The following NEXMIF variants were observed in gnomAD, a reference collection of about 807,000 sequenced individuals.
The protein encoded by NEXMIF is neurite extension and migration factor.
In NEXMIF, 8 loss-of-function variants were observed where a neutral mutation model predicts 62.1. The ratio of observed to expected loss-of-function variants is 0.13; its 90% CI spans 0.08 to 0.23. NEXMIF has a LOEUF of 0.23. Among genes scored for constraint, NEXMIF ranks in the 10% least tolerant of loss-of-function variants. The pLI is 1.00. For synonymous variants in NEXMIF, 404 were observed against 416.6 expected, an observed-to-expected ratio of 0.97 and a Z score of 0.37; for missense variants, 976 against 1,113.3, an observed-to-expected ratio of 0.88 and a Z score of 1.75.
intron 1 of NEXMIF, among the ~76,000 whole-genome samples, chrX:74,901,348 C>T (rs1047147318): frequency 2.7e-5 from 3 of 111,551 alleles, no homozygotes; most frequent in African/African-American, 9.8e-5. Context: ...AGGTAGAAAA[C>T]AATTGCAGCT....
intron 1 of NEXMIF, among the ~76,000 whole-genome samples, chrX:74,781,346 C>G (rs1008357770): frequency 1.3e-4 from 15 of 112,267 alleles, no homozygotes; most frequent in South Asian, 3.7e-4. Flanking sequence ...GTATTTTTGT[C>G]TATTGCCAAA....
chrX:74,877,723 C>T (rs1459985244), intron 1 of NEXMIF, among the ~76,000 whole-genome samples: 5 of 111,500 alleles, frequency 4.5e-5, no homozygotes, highest in Admixed American at 9.5e-5. Context: ...CTTCCCTTCT[C>T]GCTTCATTTC....
rs772974739 is a variant in NEXMIF at position 74,884,263 on chromosome X, T to G, written c.-48+40620A>C. On this transcript the variant is annotated intron_variant, in intron 1 of 3. Transcript: ENST00000055682. ...TAATGAGCAAAATAACCAGCTAACATCATAGTGACAGGATCAAATTCATAC... is the reference window on the plus strand; with the variant it reads ...TAATGAGCAAAATAACCAGCTAACAGCATAGTGACAGGATCAAATTCATAC... 2.7e-4 allele frequency among the ~76,000 whole-genome samples: 30 copies of G among 111,635 alleles called. No individual in the cohort carries two copies. The South Asian group carries it at 0.011, about 39-fold the overall frequency.
intron 1 of NEXMIF, among the ~76,000 whole-genome samples, chrX:74,917,570 T>C (rs1408166839): frequency 1.8e-5 from 2 of 111,448 alleles, no homozygotes; most frequent in Admixed American, 9.6e-5. Flanking sequence ...ATATCCAGGA[T>C]GAAATACATT....
chrX:74,757,052 T>C (rs1182151857), intron 1 of NEXMIF, among the ~76,000 whole-genome samples: 2 of 111,832 alleles, frequency 1.8e-5, no homozygotes, highest in Non-Finnish European at 1.9e-5. Flanking sequence ...AGTGTACACT[T>C]ACCTTTTCTG....
At chrX:74,751,761 TTCC>T (rs1276468070) in intron 1 of NEXMIF, among the ~76,000 whole-genome samples, 3 of 86,499 alleles carry the variant, frequency 3.5e-5, no homozygotes, top group East Asian at 4.4e-4. Context: ...CTTCCTTCCC[TTCC>T]TCTTCTTTCC....
At chrX:74,861,835 C>T (rs1029549620) in intron 1 of NEXMIF, among the ~76,000 whole-genome samples, 1 of 111,562 alleles carries the variant, frequency 9.0e-6, no homozygotes, top group Non-Finnish European at 1.9e-5. Flanking sequence ...TGCAAGAACT[C>T]CTGAATGAAG....
At chrX:74,762,376 G>A (rs1165224234) in intron 1 of NEXMIF, among the ~76,000 whole-genome samples, 1 of 111,215 alleles carries the variant, frequency 9.0e-6, no homozygotes, top group Non-Finnish European at 1.9e-5. Context: ...ATGGACATTT[G>A]GGTTGGTTCC....
chrX:74,767,724 C>T (rs1191367692), intron 1 of NEXMIF, among the ~76,000 whole-genome samples: 1 of 111,544 alleles, frequency 9.0e-6, no homozygotes, highest in Non-Finnish European at 1.9e-5. Flanking sequence ...GGGTGAGGGA[C>T]CCATGTAAAA....
At chrX:74,918,008 A>C (rs921705901) in intron 1 of NEXMIF, among the ~76,000 whole-genome samples, 1 of 111,367 alleles carries the variant, frequency 9.0e-6, no homozygotes, top group Non-Finnish European at 1.9e-5. Flanking sequence ...GGCTAATCAG[A>C]AAAATGCTTG....
chrX:74,880,270 G>A (rs974011908), intron 1 of NEXMIF, among the ~76,000 whole-genome samples: 1 of 111,940 alleles, frequency 8.9e-6, no homozygotes, highest in Non-Finnish European at 1.9e-5. Flanking sequence ...CAAAGGAGAG[G>A]TGGAAATCAA....
chrX:74,887,724 T>C (rs750563793), intron 1 of NEXMIF, among the ~76,000 whole-genome samples: 34 of 111,967 alleles, frequency 3.0e-4, no homozygotes, highest in Non-Finnish European at 4.0e-4. Flanking sequence ...TCAACCATTG[T>C]GGAAGTCGGT....
intron 1 of NEXMIF, among the ~76,000 whole-genome samples, chrX:74,807,471 T>C (rs779651619): frequency 9.3e-6 from 1 of 107,314 alleles, no homozygotes; most frequent in Admixed American, 9.9e-5. Flanking sequence ...TGCTCAGCCT[T>C]TTTTTTTTTG....
At chrX:74,882,214 C>T (rs1285721764) in intron 1 of NEXMIF, among the ~76,000 whole-genome samples, 1 of 112,103 alleles carries the variant, frequency 8.9e-6, no homozygotes, top group Non-Finnish European at 1.9e-5. Context: ...CAGCTCCCAG[C>T]GTGAGCGACG....
chrX:74,812,723 T>C (rs2147475479), intron 1 of NEXMIF, among the ~76,000 whole-genome samples: 1 of 111,550 alleles, frequency 9.0e-6, no homozygotes, highest in South Asian at 3.7e-4. Context: ...GAAGATGATA[T>C]TAGAGAAAGA....
At chrX:74,914,652 G>C (rs1374913270) in intron 1 of NEXMIF, among the ~76,000 whole-genome samples, 1 of 111,959 alleles carries the variant, frequency 8.9e-6, no homozygotes, top group African/African-American at 3.3e-5. Context: ...CTGCACTCCA[G>C]CCTGGGCAAC....
intron 1 of NEXMIF, among the ~76,000 whole-genome samples, chrX:74,779,055 T>C (rs995887292): frequency 1.8e-5 from 2 of 112,724 alleles, no homozygotes; most frequent in African/African-American, 6.4e-5. Context: ...AGAAGATTCT[T>C]GCACATTCTT....
chrX:74,762,560 A>C (rs2080180212), intron 1 of NEXMIF, among the ~76,000 whole-genome samples: 1 of 111,810 alleles, frequency 8.9e-6, no homozygotes, highest in South Asian at 3.8e-4. Flanking sequence ...CAATGGTTGA[A>C]CTAGTTTACA....
chrX:74,811,504 G>A (rs1273556701), intron 1 of NEXMIF, among the ~76,000 whole-genome samples: 3 of 112,278 alleles, frequency 2.7e-5, no homozygotes, highest in African/African-American at 6.5e-5. Context: ...CATATTTAGC[G>A]TAATCTTACA....
Sources: gnomAD v4.1 joint callset for allele counts (sites outside exome capture counted in the v4.1 genomes callset) on GRCh38, gnomAD v4.1.1 for gene constraint, MANE v1.5 for transcripts, NCBI Gene and HGNC (gene_info 2026-07-23, HGNC 2026-07-21) for gene names.